SYT16: variants seen among roughly 807,000 people sequenced by gnomAD.
The protein encoded by SYT16 is synaptotagmin-16.
In SYT16, 42 loss-of-function variants were observed where a neutral mutation model predicts 61.4. That is an observed-to-expected ratio of 0.68 (90% confidence interval 0.53 to 0.89). The LOEUF (loss-of-function observed/expected upper bound fraction) is 0.89, where lower values mean the gene tolerates loss of function less well. Ranked by LOEUF, SYT16 falls within the 40% of genes least tolerant of loss-of-function variation. The pLI is 0.00. For missense variants in SYT16, 804 were observed against 807.3 expected (o/e 1.00, Z 0.05); for synonymous variants, 314 against 302.3 (o/e 1.04, Z -0.40).
chr14:61,874,768 AT>A (rs112967075), intron 1 of SYT16, among the ~76,000 whole-genome samples: 25,574 of 141,630 alleles, frequency 0.18, 2,264 homozygotes, highest in African/African-American at 0.26. Flanking sequence ...ATGCAGCAAG[AT>A]TTTTTTTTTT....
chr14:61,909,581 T>C (rs1225819389), intron 1 of SYT16, among the ~76,000 whole-genome samples: 1 of 152,220 alleles, frequency 6.6e-6, no homozygotes, highest in Non-Finnish European at 1.5e-5. Flanking sequence ...TTGGGACTCA[T>C]TGGGACAATG....
intron 1 of SYT16, among the ~76,000 whole-genome samples, chr14:61,952,312 A>G (rs544943195): frequency 2.0e-5 from 3 of 152,294 alleles, no homozygotes; most frequent in East Asian, 1.9e-4. Context: ...GGGAAGATAC[A>G]GGAAAATGGA....
At chr14:61,993,847 A>G (rs1431612699) in intron 2 of SYT16, among the ~76,000 whole-genome samples, 2 of 152,060 alleles carry the variant, frequency 1.3e-5, no homozygotes, top group Admixed American at 6.6e-5. Flanking sequence ...TTTTTGCATG[A>G]TTTTTAATAG....
chr14:61,909,437 C>A (rs375484480), intron 1 of SYT16, among the ~76,000 whole-genome samples: 4 of 152,144 alleles, frequency 2.6e-5, no homozygotes, highest in African/African-American at 9.7e-5. Context: ...TCTTTGCCTC[C>A]CCTTATGGCT....
intron 1 of SYT16, among the ~76,000 whole-genome samples, chr14:61,902,155 A>G (rs2048546616): frequency 1.3e-5 from 2 of 151,110 alleles, no homozygotes; most frequent in Admixed American, 6.6e-5. Context: ...CACCCTTTAT[A>G]CTCCTCCCTG....
At position 62,030,217 on chromosome 14, in the gene SYT16, T is replaced by G. The variant is rs939746987; in HGVS notation, c.523+33675T>G. Among the ~76,000 whole-genome samples, 4 of 152,240 alleles carry G rather than the reference T, an allele frequency of 2.6e-5. No individual in the cohort carries two copies. In the East Asian group the frequency reaches 7.7e-4, roughly 29 times the overall value. On this transcript the variant is annotated intron_variant, in intron 3 of 7. Coordinates refer to ENST00000683842, the MANE Select transcript of SYT16 (RefSeq NM_001367656.1). ...CTGAAATGTATCTTTCTGCTCAGAT[T>G]AAAGCCATTTTTGCCAATGTCTCTG...
chr14:62,078,324 T>G (rs2056587038), intron 5 of SYT16, among the ~76,000 whole-genome samples: 1 of 152,112 alleles, frequency 6.6e-6, no homozygotes, highest in South Asian at 2.1e-4. Context: ...GGACTCAAAC[T>G]GCCAGGGCAT....
chr14:62,014,179 C>T (rs11627006), intron 3 of SYT16, among the ~76,000 whole-genome samples: 67,223 of 151,534 alleles, frequency 0.44, 15,246 homozygotes, highest in East Asian at 0.7. Flanking sequence ...CTCTTTCGAA[C>T]CGTGGGTTCA....
At chr14:61,860,579 T>C (rs1566632988) in intron 1 of SYT16, among the ~76,000 whole-genome samples, 1 of 152,362 alleles carries the variant, frequency 6.6e-6, no homozygotes, top group East Asian at 1.9e-4. Flanking sequence ...TTGACATTGC[T>C]GTAACATTTT....
At chr14:61,949,188 C>A (rs979324249) in intron 1 of SYT16, among the ~76,000 whole-genome samples, 1 of 152,202 alleles carries the variant, frequency 6.6e-6, no homozygotes, top group African/African-American at 2.4e-5. Flanking sequence ...GGCTGGTGTT[C>A]TGATTTGTCA....
At chr14:61,873,658 G>C (rs1200626554) in intron 1 of SYT16, among the ~76,000 whole-genome samples, 2 of 152,234 alleles carry the variant, frequency 1.3e-5, no homozygotes, top group Admixed American at 1.3e-4. Context: ...GAGAATCCAT[G>C]TGTAATACCC....
At chr14:61,830,755 G>A (rs1348808237) in intron 1 of SYT16, among the ~76,000 whole-genome samples, 1 of 152,048 alleles carries the variant, frequency 6.6e-6, no homozygotes, top group Non-Finnish European at 1.5e-5. Context: ...TTCTGTGGTC[G>A]CTATGCCATT....
chr14:62,032,648 C>G, intron 3 of SYT16, among the ~76,000 whole-genome samples: 1 of 151,724 alleles, frequency 6.6e-6, no homozygotes, highest in East Asian at 1.9e-4. Flanking sequence ...AAGCAAAACT[C>G]TCATCCGGAA....
chr14:62,051,740 T>C (rs967612530), intron 3 of SYT16, among the ~76,000 whole-genome samples: 5 of 152,354 alleles, frequency 3.3e-5, no homozygotes, highest in Middle Eastern at 3.4e-3. Flanking sequence ...GGCTTATTGT[T>C]AAAACATGCA....
intron 1 of SYT16, among the ~76,000 whole-genome samples, chr14:61,847,369 A>T (rs763121753): frequency 9.9e-5 from 15 of 152,154 alleles, no homozygotes; most frequent in Non-Finnish European, 1.8e-4. Context: ...TAAATATGTC[A>T]TGCCATTCTC....
At chr14:62,040,075 T>C (rs2054668288) in intron 3 of SYT16, among the ~76,000 whole-genome samples, 1 of 152,104 alleles carries the variant, frequency 6.6e-6, no homozygotes, top group South Asian at 2.1e-4. Flanking sequence ...AGGCAGAATT[T>C]CCCCAGATGA....
chr14:61,965,830 G>GA (rs943806518), intron 1 of SYT16, among the ~76,000 whole-genome samples: 5 of 150,480 alleles, frequency 3.3e-5, no homozygotes, highest in African/African-American at 4.9e-5. Context: ...TCCTAAGCTT[G>GA]AAAAAAAAAT....
chr14:61,887,164 A>G (rs2047940763), intron 1 of SYT16, among the ~76,000 whole-genome samples: 1 of 152,236 alleles, frequency 6.6e-6, no homozygotes, highest in Non-Finnish European at 1.5e-5. Flanking sequence ...CATCTCTATC[A>G]GAGCTCTTGG....
chr14:61,994,988 C>T (rs1248744001), intron 2 of SYT16, among the ~76,000 whole-genome samples: 1 of 152,096 alleles, frequency 6.6e-6, no homozygotes, highest in Non-Finnish European at 1.5e-5. Flanking sequence ...GTGTTAGGCC[C>T]TCTAGTCATT....
Sources: gnomAD v4.1 joint callset for allele counts (sites outside exome capture counted in the v4.1 genomes callset) on GRCh38, gnomAD v4.1.1 for gene constraint, MANE v1.5 for transcripts, NCBI Gene and HGNC (gene_info 2026-07-23, HGNC 2026-07-21) for gene names.